Variants in N4BP2 observed in about 807,000 individuals in gnomAD.
N4BP2 encodes the protein NEDD4 binding protein 2.
A neutral mutation model predicts 152.8 loss-of-function variants in N4BP2; 91 were observed. The observed-to-expected ratio is 0.60, with a 90% CI of 0.50 to 0.71. The LOEUF is 0.71. Among genes scored for constraint, N4BP2 ranks in the 30% least tolerant of loss-of-function variants. N4BP2 has a pLI of 0.00. For missense variants in N4BP2, 1,923 were observed against 2,059.1 expected, an observed-to-expected ratio of 0.93 and a Z score of 1.28; for synonymous variants, 646 against 705.3, an observed-to-expected ratio of 0.92 and a Z score of 1.33.
rs953968113 is a variant in N4BP2 at position 40,123,112 on chromosome 4, C to T, written c.4199-15C>T. On this transcript the variant is annotated splice_polypyrimidine_tract_variant and intron_variant, in intron 9 of 17. Coordinates refer to ENST00000261435, the MANE Select transcript of N4BP2 (RefSeq NM_018177.6). ...GTAATGATTACATTTTCTTCCCTCC[C>T]CCTTCCCCCACAAGGGTCTCTAACA... 2 of 1,551,482 alleles carry T rather than the reference C, an allele frequency of 1.3e-6. No homozygotes were observed. The highest frequency in any genetic ancestry group is 1.7e-4 in the Middle Eastern group (1 of 5,900).
intron 16 of N4BP2, 57 bp downstream of exon 16, chr4:40,144,857 T>C: frequency 7.1e-7 from 1 of 1,401,202 alleles, no homozygotes; most frequent in Non-Finnish European, 9.6e-7. Flanking sequence ...CTTATATTGG[T>C]ATAGCTTGCA....
Position 40,117,858 on chromosome 4 carries a change from G to T in N4BP2, c.1665-11G>T. ...TATTCCTTCAACCCTTTTTTCCCCT[G>T]GAATTTTCAGGCGTAACATTCATGG... On this transcript the variant is annotated splice_polypyrimidine_tract_variant and intron_variant, in intron 7 of 17. Coordinates refer to ENST00000261435, the MANE Select transcript of N4BP2 (RefSeq NM_018177.6). 6.3e-7 allele frequency: 1 copy of T among 1,581,450 alleles called. No individual in the cohort carries two copies. Among genetic ancestry groups the T allele is most frequent in the Non-Finnish European group, 8.6e-7 (1 of 1,166,342 alleles).
At chr4:40,105,325 A>T (rs1579037273) in intron 4 of N4BP2, among the ~76,000 whole-genome samples, 1 of 136,906 alleles carries the variant, frequency 7.3e-6, no homozygotes, top group South Asian at 2.4e-4. Flanking sequence ...TGTAGTTACA[A>T]TTTTTTTTTT....
rs1721432759 is a variant in N4BP2, at chr4:40,154,399, G to T, written c.*162G>T. 1 of 493,520 alleles carries T rather than the reference G, an allele frequency of 2.0e-6. No individual in the cohort carries two copies. Among genetic ancestry groups the T allele is most frequent in the African/African-American group, 2.0e-5 (1 of 49,570 alleles). 30.6% of individuals were successfully genotyped at this position (493,520 alleles called of 1,614,324 possible). Reference sequence around the variant, plus strand: ...GTTTTTCAAAATGCAAGTGAGGTTTGATTTTTTACTGAATCAAATGCAAAT... The same window carrying T: ...GTTTTTCAAAATGCAAGTGAGGTTTTATTTTTTACTGAATCAAATGCAAAT... On this transcript the variant is annotated 3_prime_UTR_variant, in exon 18 of 18. Coordinates refer to ENST00000261435, the MANE Select transcript of N4BP2 (RefSeq NM_018177.6).
chr4:40,118,449 A>C (rs981395424), intron 8 of N4BP2, among the ~76,000 whole-genome samples: 19 of 152,112 alleles, frequency 1.2e-4, no homozygotes, highest in Non-Finnish European at 2.9e-5. Flanking sequence ...TAAATAAATA[A>C]ATAAGGTGGA....
chr4:40,096,640 A>AT (rs1189466084), intron 2 of N4BP2, among the ~76,000 whole-genome samples: 22 of 152,288 alleles, frequency 1.4e-4, no homozygotes, highest in African/African-American at 4.3e-4. Context: ...AAACCAAGAG[A>AT]TAGGAGACTT....
chr4:40,162,844 A>G (rs1721893868), downstream of N4BP2, among the ~76,000 whole-genome samples: 1 of 152,208 alleles, frequency 6.6e-6, no homozygotes, highest in Non-Finnish European at 1.5e-5. Context: ...TAGGGAAGCC[A>G]GTAGCATGGC....
At chr4:40,147,901 G>A (rs1188960226) in intron 16 of N4BP2, among the ~76,000 whole-genome samples, 3 of 151,860 alleles carry the variant, frequency 2.0e-5, no homozygotes, top group African/African-American at 7.3e-5. Context: ...GGGCGGCGGG[G>A]CAGAGGCGCT....
intron 12 of N4BP2, among the ~76,000 whole-genome samples, chr4:40,128,390 G>C (rs1409683526): frequency 6.6e-6 from 1 of 152,060 alleles, no homozygotes; most frequent in Non-Finnish European, 1.5e-5. Flanking sequence ...AACTAAATTA[G>C]AAATATACTG....
At chr4:40,136,379 T>TATCTATCTATC (rs1553926174) in intron 13 of N4BP2, among the ~76,000 whole-genome samples, 11,081 of 150,318 alleles carry the variant, frequency 0.074, 449 homozygotes, top group South Asian at 0.13. Flanking sequence ...TCTATCTATC[T>TATCTATCTATC]ATCTATCTAT....
downstream of N4BP2, among the ~76,000 whole-genome samples, chr4:40,159,310 C>T (rs983578375): frequency 2.0e-5 from 3 of 152,154 alleles, no homozygotes; most frequent in Admixed American, 6.6e-5. Context: ...TTCCTTTATA[C>T]GAAAGCTGGT....
At chr4:40,099,335 C>T (rs1475313693) in intron 3 of N4BP2, among the ~76,000 whole-genome samples, 3 of 152,162 alleles carry the variant, frequency 2.0e-5, no homozygotes, top group South Asian at 2.1e-4. Context: ...CTCAGCCTCC[C>T]GAGTTAAAGT....
intron 14 of N4BP2, among the ~76,000 whole-genome samples, chr4:40,140,639 G>C (rs1719834183): frequency 6.6e-6 from 1 of 151,448 alleles, no homozygotes; most frequent in Admixed American, 6.6e-5. Flanking sequence ...TCTCACAGAG[G>C]GGGATTTGGC....
the N4BP2 span, among the ~76,000 whole-genome samples, chr4:40,173,391 G>T: frequency 6.6e-6 from 1 of 152,146 alleles, no homozygotes; most frequent in Non-Finnish European, 1.5e-5. Context: ...GATGCTGTGG[G>T]AATACAACCC....
intron 13 of N4BP2, among the ~76,000 whole-genome samples, chr4:40,133,017 C>T (rs1579105466): frequency 6.6e-6 from 1 of 151,958 alleles, no homozygotes; most frequent in African/African-American, 2.4e-5. Context: ...GGCAGCCCGC[C>T]ATTTTTCCCT....
intron 2 of N4BP2, among the ~76,000 whole-genome samples, chr4:40,090,523 T>A (rs953498466): frequency 1.3e-5 from 2 of 152,236 alleles, no homozygotes; most frequent in Admixed American, 1.3e-4. Context: ...TCTCGGAAAC[T>A]GTGATTTTAA....
At chr4:40,073,946 C>T (rs1353393155) in intron 2 of N4BP2, among the ~76,000 whole-genome samples, 1 of 152,102 alleles carries the variant, frequency 6.6e-6, no homozygotes, top group African/African-American at 2.4e-5. Flanking sequence ...GCGCATGCCA[C>T]CACATCCAGC....
intron 7 of N4BP2, among the ~76,000 whole-genome samples, chr4:40,115,852 C>G (rs1173403254): frequency 6.6e-6 from 1 of 152,022 alleles, no homozygotes; most frequent in Non-Finnish European, 1.5e-5. Context: ...TTAAATCATG[C>G]TTATTGTTAC....
intron 8 of N4BP2, among the ~76,000 whole-genome samples, chr4:40,118,284 C>T (rs530055932): frequency 5.9e-5 from 9 of 152,158 alleles, no homozygotes; most frequent in East Asian, 1.9e-4. Flanking sequence ...TGGCTGGTGG[C>T]GCATGCCTGC....
Sources: gnomAD v4.1 joint callset for allele counts (sites outside exome capture counted in the v4.1 genomes callset) on GRCh38, gnomAD v4.1.1 for gene constraint, MANE v1.5 for transcripts, NCBI Gene and HGNC (gene_info 2026-07-23, HGNC 2026-07-21) for gene names.